The following TAFA1 variants were observed in gnomAD, a reference collection of about 807,000 sequenced individuals.
The protein encoded by TAFA1 is TAFA chemokine like family member 1, also known as chemokine-like protein TAFA-1.
Under a neutral mutation model 18.5 loss-of-function variants are expected in TAFA1, and 4 were observed. That is an observed-to-expected ratio of 0.22 (90% CI 0.11 to 0.49). The LOEUF (loss-of-function observed/expected upper bound fraction) is 0.49, where lower values mean the gene tolerates loss of function less well. Among genes scored for constraint, TAFA1 ranks in the 20% least tolerant of loss-of-function variants. The pLI, the probability that TAFA1 is intolerant of heterozygous loss-of-function variation, is 0.98. For synonymous variants in TAFA1, 56 were observed against 55.2 expected (o/e 1.01, Z -0.06); for missense variants, 147 against 169.0 (o/e 0.87, Z 0.72).
At chr3:68,426,021 T>G (rs2071045340) in intron 3 of TAFA1, among the ~76,000 whole-genome samples, 1 of 144,784 alleles carries the variant, frequency 6.9e-6, no homozygotes, top group African/African-American at 2.6e-5. Context: ...TAATTTCAAG[T>G]GAATAAACTA....
intron 2 of TAFA1, among the ~76,000 whole-genome samples, chr3:68,275,207 G>A (rs2067771033): frequency 6.6e-6 from 1 of 151,924 alleles, no homozygotes; most frequent in African/African-American, 2.4e-5. Flanking sequence ...TATAGGTCTA[G>A]GACTAAAAGA....
At chr3:68,508,087 C>T (rs1334332945) in intron 3 of TAFA1, among the ~76,000 whole-genome samples, 1 of 152,084 alleles carries the variant, frequency 6.6e-6, no homozygotes, top group Non-Finnish European at 1.5e-5. Context: ...ATGATGAGGG[C>T]TCTCTTCTTG....
intron 2 of TAFA1, among the ~76,000 whole-genome samples, chr3:68,152,309 A>C (rs2065815262): frequency 6.6e-6 from 1 of 152,136 alleles, no homozygotes; most frequent in African/African-American, 2.4e-5. Context: ...AGAGCTCAGG[A>C]ATCTGCATTT....
intron 2 of TAFA1, among the ~76,000 whole-genome samples, chr3:68,062,263 C>A (rs1280644582): frequency 6.6e-6 from 1 of 152,150 alleles, no homozygotes; most frequent in Non-Finnish European, 1.5e-5. Context: ...CTGCAGGAAA[C>A]TGAAGCTCCT....
At chr3:68,085,046 G>A (rs1031965563) in intron 2 of TAFA1, among the ~76,000 whole-genome samples, 18 of 152,120 alleles carry the variant, frequency 1.2e-4, no homozygotes, top group African/African-American at 3.6e-4. Flanking sequence ...ATAAACATGT[G>A]TGTTCAAATG....
chr3:68,384,155 T>C (rs904328942), intron 2 of TAFA1, among the ~76,000 whole-genome samples: 1 of 152,020 alleles, frequency 6.6e-6, no homozygotes, highest in Non-Finnish European at 1.5e-5. Flanking sequence ...ATATTTTAAA[T>C]GGCTTTTCAT....
intron 3 of TAFA1, among the ~76,000 whole-genome samples, chr3:68,463,072 A>T (rs1290184984): frequency 6.6e-6 from 1 of 152,180 alleles, no homozygotes; most frequent in Non-Finnish European, 1.5e-5. Flanking sequence ...TGTGATCCCT[A>T]GTTCTTAGTT....
intron 3 of TAFA1, among the ~76,000 whole-genome samples, chr3:68,465,223 T>G (rs1196288046): frequency 6.6e-6 from 1 of 152,184 alleles, no homozygotes; most frequent in East Asian, 1.9e-4. Context: ...TCTTTCCTCT[T>G]TGTGCCTTGA....
chr3:68,141,466 T>C (rs2065666305), intron 2 of TAFA1, among the ~76,000 whole-genome samples: 1 of 152,168 alleles, frequency 6.6e-6, no homozygotes, highest in South Asian at 2.1e-4. Flanking sequence ...GATGCTTCTG[T>C]TTTTGTCTAA....
At chr3:68,540,208 CTTTT>C (rs145269625) in intron 4 of TAFA1, among the ~76,000 whole-genome samples, 4,239 of 151,968 alleles carry the variant, frequency 0.028, 189 homozygotes, top group African/African-American at 0.097. Context: ...ATTTCCTTGC[CTTTT>C]TTGACCCCCT....
At chr3:68,212,047 G>C (rs1391337191) in intron 2 of TAFA1, among the ~76,000 whole-genome samples, 3 of 152,030 alleles carry the variant, frequency 2.0e-5, no homozygotes, top group African/African-American at 4.8e-5. Flanking sequence ...AAAGCATTGA[G>C]ATGGAAAATA....
intron 2 of TAFA1, among the ~76,000 whole-genome samples, chr3:68,194,883 A>G (rs999327235): frequency 6.6e-6 from 1 of 151,770 alleles, no homozygotes; most frequent in Non-Finnish European, 1.5e-5. Flanking sequence ...AGTCTTCCCT[A>G]CAGGTGTGTG....
At chr3:68,153,618 G>A (rs537267662) in intron 2 of TAFA1, among the ~76,000 whole-genome samples, 1 of 152,188 alleles carries the variant, frequency 6.6e-6, no homozygotes, top group Middle Eastern at 3.4e-3. Flanking sequence ...CCAGGAATTA[G>A]CATCACTTGT....
intron 2 of TAFA1, among the ~76,000 whole-genome samples, chr3:68,363,826 C>T (rs1297168997): frequency 1.3e-5 from 2 of 152,014 alleles, no homozygotes; most frequent in African/African-American, 2.4e-5. Flanking sequence ...TTTATGAGTA[C>T]GCAAACTGAA....
At chr3:68,224,149 A>C (rs1325988788) in intron 2 of TAFA1, among the ~76,000 whole-genome samples, 1 of 151,956 alleles carries the variant, frequency 6.6e-6, no homozygotes, top group Admixed American at 6.6e-5. Flanking sequence ...AATATTTTAG[A>C]AAGATTTAAA....
intron 3 of TAFA1, among the ~76,000 whole-genome samples, chr3:68,448,966 G>C (rs2071520611): frequency 6.6e-6 from 1 of 152,164 alleles, no homozygotes; most frequent in South Asian, 2.1e-4. Flanking sequence ...AATTTGAGCT[G>C]CCTGTTACTC....
chr3:68,075,026 T>A (rs867599112), intron 2 of TAFA1, among the ~76,000 whole-genome samples: 1 of 152,198 alleles, frequency 6.6e-6, no homozygotes, highest in Non-Finnish European at 1.5e-5. Flanking sequence ...TTTTCAAGAC[T>A]GAGGACCAGA....
chr3:68,337,981 G>A (rs1378148203), intron 2 of TAFA1, among the ~76,000 whole-genome samples: 1 of 152,186 alleles, frequency 6.6e-6, no homozygotes, highest in Non-Finnish European at 1.5e-5. Flanking sequence ...GTGGGTTTCT[G>A]TCAAATTAGA....
intron 3 of TAFA1, among the ~76,000 whole-genome samples, chr3:68,513,766 T>G (rs1194488442): frequency 6.6e-6 from 1 of 152,212 alleles, no homozygotes; most frequent in African/African-American, 2.4e-5. Context: ...ACTCAGGTCA[T>G]CAGAGTAACT....
Sources: gnomAD v4.1 joint callset for allele counts (sites outside exome capture counted in the v4.1 genomes callset) on GRCh38, gnomAD v4.1.1 for gene constraint, MANE v1.5 for transcripts, NCBI Gene and HGNC (gene_info 2026-07-23, HGNC 2026-07-21) for gene names.